PRKD1: variants seen among roughly 807,000 people sequenced by gnomAD.
PRKD1 encodes serine/threonine-protein kinase D1.
Under a neutral mutation model 95.9 loss-of-function variants are expected in PRKD1, and 63 were observed. The ratio of observed to expected loss-of-function variants is 0.66; its 90% CI spans 0.54 to 0.81. PRKD1 has a LOEUF of 0.81. Ranked by LOEUF, PRKD1 falls within the 30% of genes least tolerant of loss-of-function variation. The pLI, the probability that PRKD1 is intolerant of heterozygous loss-of-function variation, is 0.00. For synonymous variants in PRKD1, 425 were observed against 423.1 expected, an observed-to-expected ratio of 1.00 and a Z score of -0.05; for missense variants, 1,048 against 1,165.3, an observed-to-expected ratio of 0.90 and a Z score of 1.47.
intron 13 of PRKD1, among the ~76,000 whole-genome samples, chr14:29,612,386 AG>A (rs1878528725): frequency 6.6e-6 from 1 of 152,200 alleles, no homozygotes; most frequent in Admixed American, 6.5e-5. Flanking sequence ...TCTTCTGTGA[AG>A]GGGTTCAAAA....
At chr14:29,666,996 T>A (rs941829554) in intron 2 of PRKD1, among the ~76,000 whole-genome samples, 1 of 152,186 alleles carries the variant, frequency 6.6e-6, no homozygotes, top group Non-Finnish European at 1.5e-5. Flanking sequence ...ATTTTTATTG[T>A]ATTATAAAAG....
chr14:29,740,756 T>C (rs1039218554), intron 1 of PRKD1, among the ~76,000 whole-genome samples: 6 of 152,222 alleles, frequency 3.9e-5, no homozygotes, highest in South Asian at 2.1e-4. Flanking sequence ...ACTGGGTATA[T>C]GCCTAGAGGA....
chr14:29,762,766 T>G (rs948381770), intron 1 of PRKD1, among the ~76,000 whole-genome samples: 1 of 109,266 alleles, frequency 9.2e-6, no homozygotes, highest in Non-Finnish European at 2.2e-5. Flanking sequence ...ACTAAGGTAT[T>G]TTATTTTATC....
chr14:29,913,856 C>G (rs1358158849), intron 1 of PRKD1, among the ~76,000 whole-genome samples: 1 of 152,216 alleles, frequency 6.6e-6, no homozygotes, highest in African/African-American at 2.4e-5. Context: ...ACTTGACTAA[C>G]AGATATCTAG....
At position 29,856,620 on chromosome 14, in the gene PRKD1, A is replaced by T. The variant is rs1453438457; in HGVS notation, c.264+70629T>A. 3.3e-5 allele frequency among the ~76,000 whole-genome samples: 5 copies of T among 152,218 alleles called. No individual in the cohort carries two copies. The East Asian group carries it at 9.6e-4, about 29-fold the overall frequency. On this transcript the variant is annotated intron_variant, in intron 1 of 17. Transcript: ENST00000331968. ...AATCAATGTATCGTGAGTTCAATGCACTAACTGACTGTTCATGTGTTTATC... is the reference window on the plus strand; with the variant it reads ...AATCAATGTATCGTGAGTTCAATGCTCTAACTGACTGTTCATGTGTTTATC...
chr14:29,883,180 A>G (rs934020751), intron 1 of PRKD1, among the ~76,000 whole-genome samples: 1 of 152,072 alleles, frequency 6.6e-6, no homozygotes, highest in Admixed American at 6.5e-5. Context: ...ACCAGATCCC[A>G]TGAGTATTCA....
chr14:29,684,401 T>C (rs1249979697), intron 2 of PRKD1, among the ~76,000 whole-genome samples: 2 of 152,212 alleles, frequency 1.3e-5, no homozygotes, highest in Admixed American at 1.3e-4. Flanking sequence ...TTTAGTTATA[T>C]GTCATGTCCT....
chr14:29,731,867 CTT>C (rs56015138), intron 1 of PRKD1, among the ~76,000 whole-genome samples: 13 of 144,570 alleles, frequency 9.0e-5, no homozygotes, highest in Middle Eastern at 3.7e-3. Context: ...ACAATCTCTA[CTT>C]TTTTTTTTTT....
At chr14:29,659,147 A>ACTT (rs1299955373) in intron 4 of PRKD1, among the ~76,000 whole-genome samples, 1 of 152,200 alleles carries the variant, frequency 6.6e-6, no homozygotes, top group Admixed American at 6.5e-5. Context: ...TAGAAAGCTC[A>ACTT]CTTCTGCTCC....
chr14:29,726,364 T>C (rs1393651377), intron 1 of PRKD1, among the ~76,000 whole-genome samples: 1 of 152,158 alleles, frequency 6.6e-6, no homozygotes, highest in Non-Finnish European at 1.5e-5. Context: ...CCTAGGCTAA[T>C]TTATTATATG....
chr14:29,762,201 G>C (rs1050329746), intron 1 of PRKD1, among the ~76,000 whole-genome samples: 1 of 152,078 alleles, frequency 6.6e-6, no homozygotes, highest in Non-Finnish European at 1.5e-5. Context: ...AGTATAATCA[G>C]GACACTATGT....
At chr14:29,765,183 C>G (rs548446140) in intron 1 of PRKD1, among the ~76,000 whole-genome samples, 1 of 151,938 alleles carries the variant, frequency 6.6e-6, no homozygotes, top group African/African-American at 2.4e-5. Context: ...TAACTAGTAT[C>G]CAGAAGATAA....
chr14:29,758,043 G>C (rs1347944875), intron 1 of PRKD1, among the ~76,000 whole-genome samples: 3 of 152,086 alleles, frequency 2.0e-5, no homozygotes, highest in Non-Finnish European at 4.4e-5. Context: ...TGAAATGCAG[G>C]ACGCAAGATT....
chr14:29,788,857 C>T (rs1425722242), intron 1 of PRKD1, among the ~76,000 whole-genome samples: 4 of 151,934 alleles, frequency 2.6e-5, no homozygotes, highest in Non-Finnish European at 4.4e-5. Context: ...ATTCCTATAT[C>T]TCACTGAGTT....
At chr14:29,708,004 T>C (rs1386978501) in intron 2 of PRKD1, among the ~76,000 whole-genome samples, 3 of 152,120 alleles carry the variant, frequency 2.0e-5, no homozygotes. Context: ...CCATCAAAGG[T>C]AATTTTGTCA....
intron 13 of PRKD1, among the ~76,000 whole-genome samples, chr14:29,605,863 G>A (rs1015724173): frequency 6.6e-6 from 1 of 152,108 alleles, no homozygotes; most frequent in Non-Finnish European, 1.5e-5. Flanking sequence ...TTTAGTGATA[G>A]TACATTTTGC....
chr14:29,697,410 C>A (rs1475728221), intron 2 of PRKD1, among the ~76,000 whole-genome samples: 1 of 152,138 alleles, frequency 6.6e-6, no homozygotes, highest in South Asian at 2.1e-4. Context: ...AATACATGTA[C>A]ACAAGATTAA....
intron 1 of PRKD1, among the ~76,000 whole-genome samples, chr14:29,899,067 T>C (rs1289619960): frequency 6.6e-6 from 1 of 152,198 alleles, no homozygotes; most frequent in Non-Finnish European, 1.5e-5. Flanking sequence ...AATATTTATA[T>C]CAAGATTAGC....
intron 1 of PRKD1, among the ~76,000 whole-genome samples, chr14:29,902,649 T>C (rs1034307555): frequency 2.0e-5 from 3 of 152,248 alleles, no homozygotes; most frequent in Non-Finnish European, 4.4e-5. Context: ...ATTTAATCAT[T>C]TTAAATAAGT....
Sources: allele counts gnomAD v4.1 joint callset (sites outside exome capture counted in the v4.1 genomes callset), GRCh38; gene constraint gnomAD v4.1.1; transcripts MANE v1.5; gene names NCBI Gene and HGNC (gene_info 2026-07-23, HGNC 2026-07-21).